The following MACROD2 variants were observed in gnomAD, a reference collection of about 807,000 sequenced individuals.
The protein encoded by MACROD2 is ADP-ribose glycohydrolase MACROD2.
A neutral mutation model predicts 70.4 loss-of-function variants in MACROD2; 36 were observed. That is an observed-to-expected ratio of 0.51 (90% CI 0.39 to 0.68). The LOEUF (loss-of-function observed/expected upper bound fraction) is 0.68, where lower values mean the gene tolerates loss of function less well. Ranked by LOEUF, MACROD2 falls within the 30% of genes least tolerant of loss-of-function variation. MACROD2 has a pLI of 0.00. For synonymous variants in MACROD2, 172 were observed against 178.8 expected (o/e 0.96, Z 0.30); for missense variants, 496 against 538.4 (o/e 0.92, Z 0.78).
At chr20:14,385,098 C>T (rs1479953675) in intron 3 of MACROD2, among the ~76,000 whole-genome samples, 1 of 152,014 alleles carries the variant, frequency 6.6e-6, no homozygotes, top group Non-Finnish European at 1.5e-5. Flanking sequence ...ACAATGAAAA[C>T]TTTTCATTGT....
intron 3 of MACROD2, among the ~76,000 whole-genome samples, chr20:14,459,365 A>G (rs2084340844): frequency 6.6e-6 from 1 of 152,034 alleles, no homozygotes; most frequent in African/African-American, 2.4e-5. Context: ...TATGAGACAT[A>G]TACATGGGTG....
chr20:14,522,887 C>A (rs1250969808), intron 4 of MACROD2, among the ~76,000 whole-genome samples: 1 of 152,084 alleles, frequency 6.6e-6, no homozygotes, highest in Non-Finnish European at 1.5e-5. Context: ...TAGATGTTTC[C>A]CTACCTCCTA....
intron 6 of MACROD2, among the ~76,000 whole-genome samples, chr20:15,235,963 A>G (rs955561232): frequency 6.6e-6 from 1 of 152,212 alleles, no homozygotes; most frequent in Non-Finnish European, 1.5e-5. Context: ...TATAAAGGGT[A>G]ATACCAAGTC....
At chr20:15,503,673 A>G (rs954943991) in intron 8 of MACROD2, among the ~76,000 whole-genome samples, 4 of 152,122 alleles carry the variant, frequency 2.6e-5, no homozygotes, top group Non-Finnish European at 4.4e-5. Flanking sequence ...CTGTTTCATT[A>G]TTATTATCAT....
intron 5 of MACROD2, among the ~76,000 whole-genome samples, chr20:14,866,079 C>T (rs766748916): frequency 6.6e-6 from 1 of 151,974 alleles, no homozygotes; most frequent in Non-Finnish European, 1.5e-5. Context: ...AAATGATAGG[C>T]ACAAAATGAC....
chr20:15,448,703 T>A (rs76999607), intron 7 of MACROD2, among the ~76,000 whole-genome samples: 1,648 of 152,302 alleles, frequency 0.011, 39 homozygotes, highest in African/African-American at 0.037. Flanking sequence ...CTTGTGAGAA[T>A]ATGAATTATA....
intron 5 of MACROD2, among the ~76,000 whole-genome samples, chr20:14,964,460 C>A (rs2074613104): frequency 6.6e-6 from 1 of 152,010 alleles, no homozygotes; most frequent in African/African-American, 2.4e-5. Context: ...GTAGTCCTAG[C>A]TACTCAGGAG....
At position 14,022,456 on chromosome 20, in the gene MACROD2, T is replaced by A. The variant is rs74706504; in HGVS notation, c.163+20052T>A. On this transcript the variant is annotated intron_variant, in intron 2 of 17. Coordinates refer to ENST00000684519, the MANE Select transcript of MACROD2 (RefSeq NM_001351661.2). ...AGCCCAATTCTTTTTTTTTTTTTTT[T>A]AATTATACTTTAAGTTCTGGGATAC... Among the ~76,000 whole-genome samples the A allele has an allele frequency of 2.7e-5, 4 of 148,522 alleles. No individual in the cohort carries two copies. In the South Asian group the frequency reaches 8.8e-4, roughly 33 times the overall value.
At chr20:15,179,087 G>T (rs1209465471) in intron 5 of MACROD2, among the ~76,000 whole-genome samples, 1 of 152,158 alleles carries the variant, frequency 6.6e-6, no homozygotes, top group Non-Finnish European at 1.5e-5. Flanking sequence ...GAGCTAATCA[G>T]AATTTCACAC....
At chr20:14,322,745 G>A (rs1172567578) in intron 3 of MACROD2, among the ~76,000 whole-genome samples, 2 of 152,028 alleles carry the variant, frequency 1.3e-5, no homozygotes, top group Non-Finnish European at 2.9e-5. Flanking sequence ...TAAAACTTGG[G>A]AACAGATGGC....
At chr20:14,726,790 CTTACACAGCTG>C (rs2071535473) in intron 5 of MACROD2, among the ~76,000 whole-genome samples, 1 of 152,158 alleles carries the variant, frequency 6.6e-6, no homozygotes, top group African/African-American at 2.4e-5. Context: ...TCAGATGACT[CTTACACAGCTG>C]TTACACAGCT....
chr20:14,950,956 A>G (rs1030639135), intron 5 of MACROD2, among the ~76,000 whole-genome samples: 4 of 152,268 alleles, frequency 2.6e-5, no homozygotes, highest in South Asian at 4.1e-4. Context: ...GGAATTGCAA[A>G]TTTAGAATTA....
chr20:14,959,420 G>A (rs1385654102), intron 5 of MACROD2, among the ~76,000 whole-genome samples: 5 of 151,966 alleles, frequency 3.3e-5, no homozygotes, highest in Middle Eastern at 3.2e-3. Flanking sequence ...ATGAGCCGCC[G>A]CACCCAACTG....
chr20:15,163,725 T>C (rs1166178690), intron 5 of MACROD2, among the ~76,000 whole-genome samples: 1 of 151,872 alleles, frequency 6.6e-6, no homozygotes, highest in African/African-American at 2.4e-5. Context: ...GGATTGTAAA[T>C]TTTTTTCAAA....
chr20:14,515,513 C>T (rs62202873), intron 4 of MACROD2, among the ~76,000 whole-genome samples: 23,034 of 143,598 alleles, frequency 0.16, 2,519 homozygotes, highest in Non-Finnish European at 0.23. Flanking sequence ...GAATATTATA[C>T]ACCCTTAAAA....
At chr20:14,889,977 G>A (rs1160100074) in intron 5 of MACROD2, among the ~76,000 whole-genome samples, 1 of 152,146 alleles carries the variant, frequency 6.6e-6, no homozygotes, top group Non-Finnish European at 1.5e-5. Context: ...CAAGATGGCA[G>A]CTTGCAGTAG....
At chr20:15,805,194 T>G (rs1217676199) in intron 8 of MACROD2, among the ~76,000 whole-genome samples, 4 of 152,094 alleles carry the variant, frequency 2.6e-5, no homozygotes, top group Admixed American at 2.0e-4. Context: ...AGGCACAGTG[T>G]GGGTTAGCTG....
intron 3 of MACROD2, among the ~76,000 whole-genome samples, chr20:14,422,393 A>G (rs551556172): frequency 6.6e-6 from 1 of 152,312 alleles, no homozygotes; most frequent in Non-Finnish European, 1.5e-5. Context: ...TGGAGATTTT[A>G]ATACATTTAC....
At chr20:15,043,984 C>T (rs2075374227) in intron 5 of MACROD2, among the ~76,000 whole-genome samples, 1 of 152,212 alleles carries the variant, frequency 6.6e-6, no homozygotes, top group African/African-American at 2.4e-5. Context: ...ATGTGCTCAG[C>T]ACCCCTGAAA....
Sources: allele counts gnomAD v4.1 joint callset (sites outside exome capture counted in the v4.1 genomes callset), GRCh38; gene constraint gnomAD v4.1.1; transcripts MANE v1.5; gene names NCBI Gene and HGNC (gene_info 2026-07-23, HGNC 2026-07-21).